ZFAND6: variants seen among roughly 807,000 people sequenced by gnomAD.
ZFAND6 encodes AN1-type zinc finger protein 6.
Under a neutral mutation model 24.5 loss-of-function variants are expected in ZFAND6, and 12 were observed. That is an observed-to-expected ratio of 0.49 (90% CI 0.31 to 0.79). The LOEUF (loss-of-function observed/expected upper bound fraction) is 0.79. ZFAND6 is among the 30% of genes least tolerant of loss of function. The pLI is 0.04. For synonymous variants in ZFAND6, 92 were observed against 81.5 expected, an observed-to-expected ratio of 1.13 and a Z score of -0.69; for missense variants, 207 against 245.9, an observed-to-expected ratio of 0.84 and a Z score of 1.06.
At chr15:80,119,991 T>C (rs1354149711) in intron 2 of ZFAND6, among the ~76,000 whole-genome samples, 3 of 152,200 alleles carry the variant, frequency 2.0e-5, no homozygotes, top group Admixed American at 2.0e-4. Flanking sequence ...ATATCTCTTA[T>C]TACTAGGAGG....
At chr15:80,062,141 C>A (rs1049315293) in intron 1 of ZFAND6, among the ~76,000 whole-genome samples, 1 of 152,182 alleles carries the variant, frequency 6.6e-6, no homozygotes, top group South Asian at 2.1e-4. Flanking sequence ...TTCCTCTCCT[C>A]CCCTCTAATC....
chr15:80,108,583 A>G (rs886157782), intron 2 of ZFAND6, among the ~76,000 whole-genome samples: 1 of 152,180 alleles, frequency 6.6e-6, no homozygotes, highest in Non-Finnish European at 1.5e-5. Flanking sequence ...CAGTTTGAGA[A>G]TATGAAATTC....
chr15:80,097,704 G>A (rs2038811472), intron 1 of ZFAND6, among the ~76,000 whole-genome samples: 1 of 152,112 alleles, frequency 6.6e-6, no homozygotes, highest in Non-Finnish European at 1.5e-5. Context: ...AGTGCAAACT[G>A]TCATTATGAC....
At chr15:80,120,784 G>C (rs1166104489) in intron 3 of ZFAND6, 2 of 181,784 alleles carry the variant, frequency 1.1e-5, no homozygotes, top group African/African-American at 4.7e-5. Context: ...GGAAAGTAAG[G>C]GAAGAGAGTG....
Position 80,137,500 on chromosome 15 carries a change from A to G in ZFAND6, c.499A>G (p.Asn167Asp), listed in dbSNP as rs1239356562. The G allele has an allele frequency of 6.2e-7, 1 of 1,602,238 alleles. No individual in the cohort carries two copies. The highest frequency in any genetic ancestry group is 1.3e-5 in the African/African-American group (1 of 74,140). ...TCCAGGGTTTGAATGCCGGTGTGGA[A>G]ATGTTTACTGTGGTGTACACCGTTA... ...GLTGFECRCGNVYCGVHRYSD... is the reference protein window; with the variant it reads ...GLTGFECRCGDVYCGVHRYSD... The change falls in exon 7 of 7, where the codon AAT (asparagine) becomes GAT (aspartate). Residue 167 changes from asparagine (N) to aspartate (D), a missense_variant. Coordinates refer to ENST00000261749, the MANE Select transcript of ZFAND6 (RefSeq NM_019006.4).
At chr15:80,077,162 C>T (rs2037332755) in intron 1 of ZFAND6, among the ~76,000 whole-genome samples, 1 of 152,170 alleles carries the variant, frequency 6.6e-6, no homozygotes, top group African/African-American at 2.4e-5. Context: ...GCTAACAACT[C>T]CTTAAATAAC....
intron 5 of ZFAND6, 191 bp from the exon 6 acceptor site, chr15:80,130,989 C>T (rs1205308113): frequency 9.4e-6 from 4 of 424,250 alleles, no homozygotes; most frequent in Non-Finnish European, 1.7e-5. Flanking sequence ...AGATTATTTT[C>T]TACATGCATA....
At chr15:80,086,532 A>G (rs566821050) in intron 1 of ZFAND6, among the ~76,000 whole-genome samples, 1 of 152,344 alleles carries the variant, frequency 6.6e-6, no homozygotes, top group Non-Finnish European at 1.5e-5. Context: ...ATTATGGGTA[A>G]CCAGTAACCT....
intron 1 of ZFAND6, among the ~76,000 whole-genome samples, chr15:80,089,896 A>G (rs1042769983): frequency 3.3e-5 from 5 of 152,152 alleles, no homozygotes; most frequent in Non-Finnish European, 7.3e-5. Context: ...TCTTGAGTGC[A>G]CTATGTAGAA....
intron 1 of ZFAND6, chr15:80,060,254 T>C (rs2036256082): frequency 6.6e-6 from 1 of 152,072 alleles, no homozygotes; most frequent in Non-Finnish European, 1.5e-5. Flanking sequence ...TCAGGTCCTC[T>C]TCGGGATGTT....
chr15:80,134,106 G>GC (rs963494621), intron 6 of ZFAND6, among the ~76,000 whole-genome samples: 6 of 151,692 alleles, frequency 4.0e-5, no homozygotes, highest in Non-Finnish European at 7.4e-5. Flanking sequence ...TCCTGCCTCA[G>GC]CCTCCCTAGT....
At chr15:80,118,274 C>T (rs8042120) in intron 2 of ZFAND6, among the ~76,000 whole-genome samples, 86,151 of 151,764 alleles carry the variant, frequency 0.57, 26,090 homozygotes, top group Non-Finnish European at 0.68. Flanking sequence ...AGGCACACGC[C>T]GCCACACCCG....
chr15:80,115,397 T>C (rs2141996908), intron 2 of ZFAND6, among the ~76,000 whole-genome samples: 1 of 152,326 alleles, frequency 6.6e-6, no homozygotes, highest in Middle Eastern at 3.4e-3. Flanking sequence ...TCTCTGTCTC[T>C]GGATTTGTGG....
intron 1 of ZFAND6, among the ~76,000 whole-genome samples, chr15:80,097,949 C>T (rs1434217391): frequency 6.6e-6 from 1 of 151,950 alleles, no homozygotes; most frequent in Non-Finnish European, 1.5e-5. Flanking sequence ...AAGAAATGTG[C>T]TATAAACCAT....
At chr15:80,092,249 G>C (rs1490915801) in intron 1 of ZFAND6, among the ~76,000 whole-genome samples, 1 of 150,936 alleles carries the variant, frequency 6.6e-6, no homozygotes, top group Non-Finnish European at 1.5e-5. Flanking sequence ...GCACTTCAGG[G>C]ATCAAGGTGG....
intron 1 of ZFAND6, among the ~76,000 whole-genome samples, chr15:80,091,171 G>GTGTGTGTC (rs1280557254): frequency 6.6e-6 from 1 of 151,938 alleles, no homozygotes; most frequent in Non-Finnish European, 1.5e-5. Context: ...GTGTGTGTGT[G>GTGTGTGTC]TGTGTGTGTG....
At chr15:80,090,961 G>T (rs762130717) in intron 1 of ZFAND6, among the ~76,000 whole-genome samples, 1 of 152,146 alleles carries the variant, frequency 6.6e-6, no homozygotes, top group Non-Finnish European at 1.5e-5. Context: ...CTGCCTCTTT[G>T]CCGCAACCCA....
At chr15:80,060,449 T>G (rs2036270477) in intron 1 of ZFAND6, 1 of 152,216 alleles carries the variant, frequency 6.6e-6, no homozygotes, top group Non-Finnish European at 1.5e-5. Flanking sequence ...TAAAAAAGTA[T>G]GAAAGAATAT....
intron 1 of ZFAND6, among the ~76,000 whole-genome samples, chr15:80,094,533 C>T (rs896405211): frequency 2.0e-5 from 3 of 150,740 alleles, no homozygotes; most frequent in Non-Finnish European, 1.5e-5. Context: ...CCCTGGACCT[C>T]TTAGTAAGAT....
Sources: allele counts gnomAD v4.1 joint callset (sites outside exome capture counted in the v4.1 genomes callset), GRCh38; gene constraint gnomAD v4.1.1; transcripts MANE v1.5; gene names NCBI Gene and HGNC (gene_info 2026-07-23, HGNC 2026-07-21).